Variants in RNGTT observed in about 807,000 individuals in gnomAD.
The protein encoded by RNGTT is RNA guanylyltransferase and 5'-phosphatase, also known as mRNA-capping enzyme.
RNGTT carries 33 observed loss-of-function variants against 79.3 expected under a neutral mutation model. The ratio of observed to expected loss-of-function variants is 0.42; its 90% CI spans 0.32 to 0.56. The LOEUF is 0.56. Ranked by LOEUF, RNGTT falls within the 20% of genes least tolerant of loss-of-function variation. The probability of loss-of-function intolerance (pLI) is 0.17; values close to 1 mark genes in which losing one functional copy is unlikely to be tolerated. For synonymous variants in RNGTT, 222 were observed against 235.9 expected (o/e 0.94, Z 0.54); for missense variants, 497 against 739.1 (o/e 0.67, Z 3.80).
chr6:88,879,371 G>C (rs544906673), intron 8 of RNGTT, among the ~76,000 whole-genome samples: 4 of 152,328 alleles, frequency 2.6e-5, no homozygotes, highest in African/African-American at 9.6e-5. Flanking sequence ...TCCAGCCTGG[G>C]TGTCAGAGTG....
At chr6:88,673,675 G>A (rs570236804) in intron 14 of RNGTT, among the ~76,000 whole-genome samples, 1 of 152,304 alleles carries the variant, frequency 6.6e-6, no homozygotes, top group Admixed American at 6.5e-5. Context: ...ACAAAAGATT[G>A]ACTTTTGTCA....
chr6:88,651,852 A>C (rs1211547036), intron 14 of RNGTT, among the ~76,000 whole-genome samples: 3 of 152,136 alleles, frequency 2.0e-5, no homozygotes, highest in African/African-American at 7.2e-5. Flanking sequence ...AAATCTATTA[A>C]GAAGAAATTA....
At chr6:88,940,077 T>C (rs897822865) in intron 2 of RNGTT, among the ~76,000 whole-genome samples, 1 of 151,138 alleles carries the variant, frequency 6.6e-6, no homozygotes, top group Non-Finnish European at 1.5e-5. Context: ...TTTTTTTTTT[T>C]TCTTTTCTTT....
chr6:88,962,911 C>T (rs1785687405), intron 1 of RNGTT, among the ~76,000 whole-genome samples: 6 of 152,080 alleles, frequency 3.9e-5, no homozygotes, highest in Admixed American at 3.9e-4. Context: ...AAAACACCCT[C>T]CAGATTCCCA....
At chr6:88,667,711 G>C (rs1774471120) in intron 14 of RNGTT, among the ~76,000 whole-genome samples, 1 of 152,212 alleles carries the variant, frequency 6.6e-6, no homozygotes, top group Non-Finnish European at 1.5e-5. Context: ...GGCATTTGTG[G>C]CTGACTTGGT....
chr6:88,616,542 A>G (rs906191668), intron 14 of RNGTT, among the ~76,000 whole-genome samples: 5 of 151,722 alleles, frequency 3.3e-5, no homozygotes, highest in African/African-American at 1.2e-4. Context: ...ATTGACGCCC[A>G]TTGTTTACTG....
chr6:88,780,300 C>A (rs918682454), intron 12 of RNGTT, among the ~76,000 whole-genome samples: 3 of 152,046 alleles, frequency 2.0e-5, no homozygotes, highest in African/African-American at 7.2e-5. Flanking sequence ...AATAAGCTAA[C>A]AATATTTATG....
intron 11 of RNGTT, among the ~76,000 whole-genome samples, chr6:88,826,973 C>T (rs544041396): frequency 3.3e-5 from 5 of 151,240 alleles, no homozygotes; most frequent in South Asian, 2.1e-4. Flanking sequence ...AAAGGGCAGA[C>T]GCTATTATTT....
intron 13 of RNGTT, among the ~76,000 whole-genome samples, chr6:88,748,487 A>C (rs756537798): frequency 6.6e-6 from 1 of 152,040 alleles, no homozygotes; most frequent in Non-Finnish European, 1.5e-5. Flanking sequence ...ATGGGACTTA[A>C]AATATTTTAA....
chr6:88,656,862 G>A (rs1364766846), intron 14 of RNGTT, among the ~76,000 whole-genome samples: 1 of 151,926 alleles, frequency 6.6e-6, no homozygotes, highest in Non-Finnish European at 1.5e-5. Context: ...GGCTGAGGCA[G>A]GAGACTTGCT....
At chr6:88,674,750 A>G (rs985115783) in intron 14 of RNGTT, among the ~76,000 whole-genome samples, 5 of 150,332 alleles carry the variant, frequency 3.3e-5, no homozygotes, top group African/African-American at 1.2e-4. Flanking sequence ...AACAAATGTG[A>G]AAAAAAAAAT....
intron 8 of RNGTT, among the ~76,000 whole-genome samples, chr6:88,868,806 A>C (rs1050267390): frequency 2.0e-5 from 3 of 152,168 alleles, no homozygotes; most frequent in Non-Finnish European, 4.4e-5. Context: ...AGCCATTTAA[A>C]ACTTGTCAGA....
chr6:88,693,878 A>G (rs944065358), intron 13 of RNGTT, among the ~76,000 whole-genome samples: 11 of 152,226 alleles, frequency 7.2e-5, no homozygotes, highest in African/African-American at 2.7e-4. Flanking sequence ...AGCTATGGCA[A>G]AAGAATCTGA....
chr6:88,899,538 A>C (rs950547070), intron 6 of RNGTT, among the ~76,000 whole-genome samples: 4 of 152,154 alleles, frequency 2.6e-5, no homozygotes, highest in Admixed American at 6.5e-5. Context: ...TCGGCCTCCC[A>C]AAGTGCTGAG....
chr6:88,923,721 T>C (rs909502602), intron 4 of RNGTT, among the ~76,000 whole-genome samples: 1 of 152,216 alleles, frequency 6.6e-6, no homozygotes, highest in South Asian at 2.1e-4. Context: ...TTCCTTACGA[T>C]CCCTTTTCCT....
intron 14 of RNGTT, among the ~76,000 whole-genome samples, chr6:88,655,310 TA>T (rs1773936115): frequency 6.6e-6 from 1 of 152,152 alleles, no homozygotes; most frequent in Admixed American, 6.5e-5. Context: ...TGAAATACCT[TA>T]AAGGAAAAAT....
At chr6:88,847,268 A>C (rs1020436300) in intron 10 of RNGTT, among the ~76,000 whole-genome samples, 5 of 152,162 alleles carry the variant, frequency 3.3e-5, no homozygotes, top group African/African-American at 1.2e-4. Context: ...GAATTCTTTA[A>C]AGGCAAGAAA....
intron 14 of RNGTT, among the ~76,000 whole-genome samples, chr6:88,633,947 C>T (rs930349078): frequency 4.6e-5 from 7 of 152,114 alleles, no homozygotes; most frequent in Non-Finnish European, 1.0e-4. Flanking sequence ...GGGAAACAAA[C>T]AACCAAAATA....
intron 14 of RNGTT, among the ~76,000 whole-genome samples, chr6:88,668,332 C>CAAAAAA (rs1224337214): frequency 6.6e-6 from 1 of 152,134 alleles, no homozygotes; most frequent in Non-Finnish European, 1.5e-5. Flanking sequence ...ACAATCCCTA[C>CAAAAAA]AAAGTGACTC....
Sources: allele counts gnomAD v4.1 joint callset (sites outside exome capture counted in the v4.1 genomes callset), GRCh38; gene constraint gnomAD v4.1.1; transcripts MANE v1.5; gene names NCBI Gene and HGNC (gene_info 2026-07-23, HGNC 2026-07-21).